Variants in DLGAP1 observed in about 807,000 individuals in gnomAD.
DLGAP1 encodes the protein DLG associated protein 1, also known as disks large-associated protein 1.
Under a neutral mutation model 90.8 loss-of-function variants are expected in DLGAP1, and 11 were observed. The observed-to-expected ratio is 0.12, with a 90% CI of 0.08 to 0.20. The LOEUF is 0.20. Among genes scored for constraint, DLGAP1 ranks in the 10% least tolerant of loss-of-function variants. The pLI is 1.00. For missense variants in DLGAP1, 1,050 were observed against 1,333.8 expected (o/e 0.79, Z 3.31); for synonymous variants, 558 against 540.7 (o/e 1.03, Z -0.44).
In DLGAP1 at chr18:3,957,388, T is replaced by G. The variant is rs371309321; in HGVS notation, c.-73+47728A>C. Among the ~76,000 whole-genome samples, 206 of 152,320 alleles carry G rather than the reference T, an allele frequency of 1.4e-3. 3 individuals are homozygous for G. In the South Asian group the frequency reaches 0.019, roughly 14 times the overall value. ...AGCCCAGTGAAACCTCTTTTGAATT[T>G]CTGACCTCTGGAACTGTGGAATGAC... On this transcript the variant is annotated intron_variant, in intron 3 of 12. Coordinates refer to ENST00000315677, the MANE Select transcript of DLGAP1 (RefSeq NM_004746.4).
At chr18:3,912,871 T>C (rs1395033261) in intron 3 of DLGAP1, among the ~76,000 whole-genome samples, 1 of 152,160 alleles carries the variant, frequency 6.6e-6, no homozygotes, top group African/African-American at 2.4e-5. Context: ...GGTGACTGTG[T>C]AGGGTTGGGT....
chr18:3,538,521 A>C (rs1399942068), intron 9 of DLGAP1, among the ~76,000 whole-genome samples: 1 of 152,242 alleles, frequency 6.6e-6, no homozygotes, highest in African/African-American at 2.4e-5. Context: ...TCTTGGCTGC[A>C]GTAGGCTATT....
intron 2 of DLGAP1, among the ~76,000 whole-genome samples, chr18:4,114,065 T>A (rs2076020170): frequency 6.6e-6 from 1 of 151,038 alleles, no homozygotes; most frequent in Non-Finnish European, 1.5e-5. Flanking sequence ...GCTTTTTTTT[T>A]TTTTTTTTTT....
intron 5 of DLGAP1, among the ~76,000 whole-genome samples, chr18:3,787,266 A>G (rs2065495579): frequency 4.6e-5 from 7 of 151,878 alleles, no homozygotes; most frequent in Admixed American, 4.6e-4. Flanking sequence ...GGCGGATCAC[A>G]AGATCAGGAG....
chr18:4,295,611 C>G (rs1473861572), intron 1 of DLGAP1, among the ~76,000 whole-genome samples: 4 of 152,212 alleles, frequency 2.6e-5, no homozygotes, highest in Non-Finnish European at 4.4e-5. Flanking sequence ...ACCTATAATA[C>G]TAAATGAGCT....
At chr18:3,627,208 A>T (rs1029542391) in intron 7 of DLGAP1, among the ~76,000 whole-genome samples, 2 of 151,908 alleles carry the variant, frequency 1.3e-5, no homozygotes, top group African/African-American at 4.8e-5. Flanking sequence ...CCAAAGTGCT[A>T]AGATTACAGG....
intron 7 of DLGAP1, among the ~76,000 whole-genome samples, chr18:3,620,739 G>T: frequency 6.6e-6 from 1 of 151,994 alleles, no homozygotes; most frequent in Admixed American, 6.6e-5. Context: ...TGTATTTTTA[G>T]TACAGACGGG....
chr18:3,856,815 T>C (rs1452305580), intron 4 of DLGAP1, among the ~76,000 whole-genome samples: 1 of 151,394 alleles, frequency 6.6e-6, no homozygotes, highest in Non-Finnish European at 1.5e-5. Flanking sequence ...GAGCCGAGAT[T>C]CCGCCACCGC....
Position 3,879,743 on chromosome 18 carries a change from C to T in DLGAP1, c.326G>A (p.Arg109Gln), listed in dbSNP as rs376007911. The T allele has an allele frequency of 3.1e-6, 5 of 1,608,094 alleles. No individual in the cohort carries two copies. The highest frequency in any genetic ancestry group is 1.3e-5 in the African/African-American group (1 of 74,930). Residue 109 changes from arginine (R) to glutamine (Q), a missense_variant, in exon 4 of 13, where the codon CGG (arginine) becomes CAG (glutamine). Around this residue, in one of 2 missense-constraint regions of DLGAP1, gnomAD observed 485 missense variants for 454.1 expected, o/e 1.07. Transcript: ENST00000315677. The surrounding 1 kb of genome is among the most constrained non-coding windows in gnomAD (Gnocchi z 6.6). ...IPANLLDQFE[R>Q]QLPLSRDGYH... is the part of the protein sequence containing the mutation. ...GCCATCGCGGCTGAGTGGCAGCTGC[C>T]GCTCGAACTGGTCCAGCAGGTTGGC...
intron 5 of DLGAP1, among the ~76,000 whole-genome samples, chr18:3,747,957 A>G (rs1225042577): frequency 6.6e-6 from 1 of 152,236 alleles, no homozygotes; most frequent in Non-Finnish European, 1.5e-5. Context: ...ACACCAAAAT[A>G]GTGCATCGAT....
chr18:4,138,732 G>A (rs1351513463), intron 2 of DLGAP1, among the ~76,000 whole-genome samples: 1 of 151,934 alleles, frequency 6.6e-6, no homozygotes, highest in Non-Finnish European at 1.5e-5. Context: ...TTCTTTGTAT[G>A]TTTGTTAAAA....
At chr18:4,233,641 G>A (rs760715014) in intron 1 of DLGAP1, among the ~76,000 whole-genome samples, 3 of 152,074 alleles carry the variant, frequency 2.0e-5, no homozygotes, top group Admixed American at 1.3e-4. Context: ...ATTAAGTTTG[G>A]CCAACACTCA....
intron 3 of DLGAP1, among the ~76,000 whole-genome samples, chr18:3,924,841 C>T (rs892854046): frequency 6.6e-6 from 1 of 152,144 alleles, no homozygotes; most frequent in Non-Finnish European, 1.5e-5. Context: ...CCACCTTTTG[C>T]TTGTACTTTA....
At chr18:4,007,632 G>T (rs1311990122) in intron 2 of DLGAP1, among the ~76,000 whole-genome samples, 1 of 151,742 alleles carries the variant, frequency 6.6e-6, no homozygotes, top group Non-Finnish European at 1.5e-5. Flanking sequence ...CTCCAGCCTG[G>T]GTGACAGAAC....
chr18:4,009,163 G>A (rs11081086), intron 2 of DLGAP1, among the ~76,000 whole-genome samples: 25,188 of 151,924 alleles, frequency 0.17, 2,136 homozygotes, highest in Middle Eastern at 0.19. Flanking sequence ...TCGGCCTCCC[G>A]AAGTGCTGGG....
At chr18:3,835,407 T>C (rs1218472707) in intron 4 of DLGAP1, among the ~76,000 whole-genome samples, 1 of 151,948 alleles carries the variant, frequency 6.6e-6, no homozygotes, top group Non-Finnish European at 1.5e-5. Flanking sequence ...TCCCAGCACT[T>C]TGGGAGGCTG....
chr18:3,962,674 T>C (rs2073227487), intron 3 of DLGAP1, among the ~76,000 whole-genome samples: 2 of 152,224 alleles, frequency 1.3e-5, no homozygotes, highest in Admixed American at 1.3e-4. Context: ...TTTCCATCCC[T>C]ATGCTTGTTT....
chr18:3,959,493 C>T (rs2073151551), intron 3 of DLGAP1, among the ~76,000 whole-genome samples: 1 of 151,914 alleles, frequency 6.6e-6, no homozygotes, highest in Non-Finnish European at 1.5e-5. Context: ...ATGATGAAAC[C>T]ATATCTCCCC....
chr18:3,735,492 A>C (rs908079965), intron 6 of DLGAP1, among the ~76,000 whole-genome samples: 3 of 152,188 alleles, frequency 2.0e-5, no homozygotes, highest in Non-Finnish European at 2.9e-5. Context: ...CAAAATACTA[A>C]GATTACAGGC....
Sources: allele counts gnomAD v4.1 joint callset (sites outside exome capture counted in the v4.1 genomes callset), GRCh38; gene constraint gnomAD v4.1.1; regional missense constraint gnomAD v4.1.1; non-coding constraint Gnocchi (gnomAD v3.1); transcripts MANE v1.5; gene names NCBI Gene and HGNC (gene_info 2026-07-23, HGNC 2026-07-21).